The following FAM184B variants were observed in gnomAD, a reference collection of about 807,000 sequenced individuals.
The protein encoded by FAM184B is family with sequence similarity 184 member B.
Under a neutral mutation model 135.9 loss-of-function variants are expected in FAM184B, and 111 were observed. The observed-to-expected ratio is 0.82, with a 90% CI of 0.70 to 0.96. FAM184B has a LOEUF of 0.96. Ranked by LOEUF, FAM184B falls within the 40% of genes least tolerant of loss-of-function variation. The pLI is 0.00. For missense variants in FAM184B, 1,375 were observed against 1,323.9 expected, an observed-to-expected ratio of 1.04 and a Z score of -0.60; for synonymous variants, 552 against 524.8, an observed-to-expected ratio of 1.05 and a Z score of -0.71.
intron 8 of FAM184B, among the ~76,000 whole-genome samples, chr4:17,663,965 T>C (rs923519822): frequency 1.2e-4 from 19 of 152,094 alleles, no homozygotes; most frequent in African/African-American, 4.3e-4. Flanking sequence ...TCTGGCATGA[T>C]TGTAAGTTTC....
At chr4:17,638,130 T>C (rs1715199822) in intron 14 of FAM184B, among the ~76,000 whole-genome samples, 1 of 90,910 alleles carries the variant, frequency 1.1e-5, no homozygotes, top group Non-Finnish European at 2.1e-5. Context: ...ATGTTAACTG[T>C]TTGCTTTTTT....
intron 1 of FAM184B, among the ~76,000 whole-genome samples, chr4:17,714,205 G>T (rs1480048477): frequency 6.6e-6 from 1 of 152,164 alleles, no homozygotes; most frequent in African/African-American, 2.4e-5. Context: ...ACAGCGAAGA[G>T]CTGCTGCAGA....
chr4:17,680,192 T>C (rs920841123), intron 7 of FAM184B, among the ~76,000 whole-genome samples: 2 of 152,210 alleles, frequency 1.3e-5, no homozygotes, highest in African/African-American at 4.8e-5. Flanking sequence ...CCACAATGTA[T>C]AGATATTTCA....
chr4:17,639,532 T>A, intron 13 of FAM184B, 136 bp from the exon 14 acceptor site: 1 of 1,067,408 alleles, frequency 9.4e-7, no homozygotes, highest in Non-Finnish European at 1.3e-6. Context: ...AGGACACCTG[T>A]GGGAAGAAGA....
intron 1 of FAM184B, among the ~76,000 whole-genome samples, chr4:17,766,061 G>A (rs934920722): frequency 6.6e-6 from 1 of 152,230 alleles, no homozygotes; most frequent in Non-Finnish European, 1.5e-5. Context: ...TAAAGGAAGT[G>A]CAGGCCCAAA....
intron 12 of FAM184B, 33 bp downstream of exon 12, chr4:17,647,604 G>A (rs1170066575): frequency 2.0e-6 from 3 of 1,536,726 alleles, no homozygotes; most frequent in African/African-American, 2.7e-5. Context: ...GCTCTGGGAG[G>A]GGTATTGCTG....
rs1714940155 is a variant in FAM184B, at chr4:17,631,473, T to TTTGAC, written c.*1054_*1058dup. ...AGCCATGTGCCCAGTCTAGAAGATC[T>TTTGAC]TTGACTTCAAAGAACAGATAATCTA... On this transcript the variant is annotated 3_prime_UTR_variant, in exon 18 of 18. Coordinates refer to ENST00000265018, the MANE Select transcript of FAM184B (RefSeq NM_015688.2). 6.6e-6 allele frequency: 1 copy of TTTGAC among 152,186 alleles called. No individual in the cohort carries two copies. Among genetic ancestry groups the TTTGAC allele is most frequent in the African/African-American group, 2.4e-5 (1 of 41,440 alleles). The allele number at this position is 152,186 out of a possible 1,614,324, so 9.4% of individuals were successfully genotyped here.
chr4:17,635,133 G>A lies in FAM184B; in HGVS notation c.2785-20C>T, dbSNP rs1370077323. The A allele has an allele frequency of 3.9e-6, 6 of 1,526,572 alleles. No homozygotes were observed. In the African/African-American group the frequency reaches 8.3e-5, roughly 21 times the overall value. The allele number at this position is 1,526,572 out of a possible 1,614,324, so 94.6% of individuals were successfully genotyped here. ...CTCTTCCTAGAAAACCAATACAACT[G>A]AGTCTAAATGAGCCTAACCACACAG... is the stretch of plus-strand genomic sequence containing the variant. On this transcript the variant is annotated intron_variant, in intron 15 of 17. Transcript: ENST00000265018.
chr4:17,767,255 C>A (rs758065942), intron 1 of FAM184B, among the ~76,000 whole-genome samples: 123 of 152,334 alleles, frequency 8.1e-4, no homozygotes, highest in Non-Finnish European at 1.5e-3. Flanking sequence ...GGGGCTCCTG[C>A]AGTGCAGCGG....
At chr4:17,695,072 G>A (rs559536832) in intron 5 of FAM184B, among the ~76,000 whole-genome samples, 1 of 152,278 alleles carries the variant, frequency 6.6e-6, no homozygotes, top group South Asian at 2.1e-4. Flanking sequence ...AGCACCATCT[G>A]AGGCCTCAAG....
intron 1 of FAM184B, among the ~76,000 whole-genome samples, chr4:17,722,748 A>G: frequency 6.6e-6 from 1 of 152,120 alleles, no homozygotes; most frequent in Non-Finnish European, 1.5e-5. Flanking sequence ...CTGGAAAGGG[A>G]TCATCTTGTT....
chr4:17,721,765 C>G (rs1717537958), intron 1 of FAM184B, among the ~76,000 whole-genome samples: 1 of 152,178 alleles, frequency 6.6e-6, no homozygotes, highest in South Asian at 2.1e-4. Context: ...CTGCCCCAGA[C>G]AGCCTGATGT....
At chr4:17,648,731 G>C (rs761592439) in intron 11 of FAM184B, among the ~76,000 whole-genome samples, 37 of 152,168 alleles carry the variant, frequency 2.4e-4, no homozygotes, top group South Asian at 6.2e-4. Context: ...ATGGAGGTAG[G>C]AGATGGCATG....
intron 1 of FAM184B, among the ~76,000 whole-genome samples, chr4:17,776,890 G>A (rs781392278): frequency 5.3e-5 from 8 of 152,132 alleles, no homozygotes; most frequent in African/African-American, 7.2e-5. Flanking sequence ...AATTGGGTGC[G>A]TAGGGATGTA....
At chr4:17,716,068 A>G (rs1452863791) in intron 1 of FAM184B, among the ~76,000 whole-genome samples, 3 of 152,204 alleles carry the variant, frequency 2.0e-5, no homozygotes, top group African/African-American at 7.2e-5. Context: ...TCAGAAAGAG[A>G]TGCAAGAGGA....
At chr4:17,729,471 C>T (rs190032815) in intron 1 of FAM184B, among the ~76,000 whole-genome samples, 8 of 152,228 alleles carry the variant, frequency 5.3e-5, no homozygotes, top group East Asian at 3.9e-4. Context: ...CCTTGACCCC[C>T]GAGCAGCCTA....
chr4:17,649,912 CCATT>C (rs1715567053), intron 11 of FAM184B, among the ~76,000 whole-genome samples: 1 of 151,906 alleles, frequency 6.6e-6, no homozygotes, highest in Non-Finnish European at 1.5e-5. Flanking sequence ...ATCTGTCCAT[CCATT>C]CATCCATCCA....
Position 17,781,534 on chromosome 4 carries a change from G to T in FAM184B, c.-235C>A. 1 of 461,642 alleles carries T rather than the reference G, an allele frequency of 2.2e-6. No homozygotes were observed. Among genetic ancestry groups the T allele is most frequent in the South Asian group, 4.1e-5 (1 of 24,642 alleles). The allele number at this position is 461,642 out of a possible 1,614,324, so 28.6% of individuals were successfully genotyped here. A position where few individuals can be genotyped will look rare whatever the true frequency, so the allele number is the denominator to read the frequency against. ...GTTCTCTGGCTGGCTGGCTCCGCGGGCACCCGCACCCTGCGGCGAGGCGTC... is the reference window on the plus strand; with the variant it reads ...GTTCTCTGGCTGGCTGGCTCCGCGGTCACCCGCACCCTGCGGCGAGGCGTC... On this transcript the variant is annotated 5_prime_UTR_variant, in exon 1 of 18. Transcript: ENST00000265018. This position sits in a 1 kb window ranked among gnomAD's most constrained non-coding sequence, Gnocchi z 6.5.
intron 7 of FAM184B, among the ~76,000 whole-genome samples, chr4:17,672,628 G>A (rs1243923710): frequency 2.0e-5 from 3 of 152,090 alleles, no homozygotes. Context: ...TGTATCTATT[G>A]AGATGATCAT....
Sources: allele counts gnomAD v4.1 joint callset (sites outside exome capture counted in the v4.1 genomes callset), GRCh38; gene constraint gnomAD v4.1.1; non-coding constraint Gnocchi (gnomAD v3.1); transcripts MANE v1.5; gene names NCBI Gene and HGNC (gene_info 2026-07-23, HGNC 2026-07-21).